ZNF717: variants seen among roughly 807,000 people sequenced by gnomAD.
ZNF717 encodes the protein zinc finger protein 717.
Under a neutral mutation model 13.8 loss-of-function variants are expected in ZNF717, and 9 were observed. The ratio of observed to expected loss-of-function variants is 0.65; its 90% CI spans 0.39 to 1.14. The LOEUF (loss-of-function observed/expected upper bound fraction) is 1.14, where lower values mean the gene tolerates loss of function less well. Among genes scored for constraint, ZNF717 ranks in the 50% most tolerant of loss-of-function variants. The pLI is 0.01. For synonymous variants in ZNF717, 327 were observed against 364.1 expected, an observed-to-expected ratio of 0.90 and a Z score of 1.16; for missense variants, 1,040 against 1,080.7, an observed-to-expected ratio of 0.96 and a Z score of 0.53.
At chr3:75,741,488 A>C (rs1443574632) in intron 3 of ZNF717, 120 bp from the exon 4 acceptor site, 57 of 1,391,134 alleles carry the variant, frequency 4.1e-5, no homozygotes, top group Non-Finnish European at 5.0e-6. Context: ...ATTTCATTAG[A>C]GTAGTGACAC....
chr3:75,738,476 T>G lies in ZNF717; in HGVS notation c.1147A>C (p.Thr383Pro). ...CCTGAGTGAGTTCTGTGATGTAAAGTGAGAAGTGACTTACAGTGAAAAGTT... is the reference window on the plus strand; with the variant it reads ...CCTGAGTGAGTTCTGTGATGTAAAGGGAGAAGTGACTTACAGTGAAAAGTT... ...GKTFHCKSLL[T>P]LHHRTHSGEK... The change falls in exon 5 of 5, where the codon ACT (threonine) becomes CCT (proline). Residue 383 changes from threonine to proline, a missense_variant. Coordinates refer to ENST00000652011, the MANE Select transcript of ZNF717 (RefSeq NM_001290208.3). 6.5e-7 allele frequency: 1 copy of G among 1,532,104 alleles called. No homozygotes were observed. Among genetic ancestry groups the G allele is most frequent in the Non-Finnish European group, 8.8e-7 (1 of 1,132,974 alleles). 94.9% of individuals were successfully genotyped at this position (1,532,104 alleles called of 1,614,324 possible).
chr3:75,729,984 T>A (rs1938428039), exon 6 of ZNF717: 1 of 152,274 alleles, frequency 6.6e-6, no homozygotes, highest in Non-Finnish European at 1.5e-5. Flanking sequence ...GATGCAAGCA[T>A]CTGATTTTAT....
chr3:75,750,843 A>T (rs1396286237), intron 2 of ZNF717, among the ~76,000 whole-genome samples: 2 of 150,798 alleles, frequency 1.3e-5, no homozygotes, highest in East Asian at 2.0e-4. Flanking sequence ...TCTGTCCCTC[A>T]CATAGGATTC....
chr3:75,752,821 G>T (rs57425214), intron 2 of ZNF717, among the ~76,000 whole-genome samples: 4 of 142,396 alleles, frequency 2.8e-5, no homozygotes, highest in African/African-American at 1.0e-4. Flanking sequence ...TGCTCCTGGG[G>T]TCTGAATGTT....
chr3:75,759,432 C>A (rs1358636468), intron 2 of ZNF717, among the ~76,000 whole-genome samples: 1 of 151,974 alleles, frequency 6.6e-6, no homozygotes, highest in Non-Finnish European at 1.5e-5. Context: ...CCCGCCACAA[C>A]GCCCCGCTAA....
intron 2 of ZNF717, among the ~76,000 whole-genome samples, chr3:75,768,650 A>G (rs1406225583): frequency 2.7e-3 from 224 of 83,876 alleles, no homozygotes; most frequent in Middle Eastern, 0.01. Context: ...TCCTCACTGC[A>G]GCTGAGTGTG....
chr3:75,776,811 G>A (rs1173739532), intron 2 of ZNF717, among the ~76,000 whole-genome samples: 1 of 151,138 alleles, frequency 6.6e-6, no homozygotes, highest in Non-Finnish European at 1.5e-5. Context: ...CTACTATCAT[G>A]AGACTCTTAA....
At chr3:75,749,290 G>A (rs1352956973) in intron 2 of ZNF717, among the ~76,000 whole-genome samples, 2 of 151,688 alleles carry the variant, frequency 1.3e-5, no homozygotes, top group Non-Finnish European at 2.9e-5. Context: ...CACTGCTAGT[G>A]TGTTCTGAAT....
At chr3:75,713,273 C>T (rs74187229) in intron 5 of ZNF717, among the ~76,000 whole-genome samples, 1 of 152,058 alleles carries the variant, frequency 6.6e-6, no homozygotes, top group Non-Finnish European at 1.5e-5. Flanking sequence ...ACCTCAGCCT[C>T]CCCAGTAGCT....
chr3:75,732,389 A>G (rs1234359589), downstream of ZNF717, among the ~76,000 whole-genome samples: 2 of 152,270 alleles, frequency 1.3e-5, no homozygotes, highest in African/African-American at 4.8e-5. Context: ...GTAAGACTCC[A>G]GAACTCTTCT....
chr3:75,732,845 G>T (rs1169444198), downstream of ZNF717, among the ~76,000 whole-genome samples: 18 of 152,266 alleles, frequency 1.2e-4, no homozygotes, highest in East Asian at 3.3e-3. Context: ...AAAGCACAAG[G>T]CATACTAAAA....
chr3:75,744,046 G>C (rs1326874071), intron 2 of ZNF717, among the ~76,000 whole-genome samples: 4 of 152,230 alleles, frequency 2.6e-5, no homozygotes, highest in African/African-American at 9.6e-5. Context: ...GAGAATGAAA[G>C]AATAAAAGAA....
chr3:75,757,823 G>A (rs1427054629), intron 2 of ZNF717, among the ~76,000 whole-genome samples: 3 of 151,760 alleles, frequency 2.0e-5, no homozygotes, highest in Non-Finnish European at 4.4e-5. Context: ...GCAACATTAG[G>A]AGAAGTTGGG....
At chr3:75,705,408 G>T (rs1318839502), downstream of ZNF717, among the ~76,000 whole-genome samples, 2 of 152,310 alleles carry the variant, frequency 1.3e-5, no homozygotes, top group Admixed American at 6.5e-5. Context: ...AGACAAAATA[G>T]GGATGGCACA....
At chr3:75,716,204 C>A (rs1208256712) in intron 5 of ZNF717, among the ~76,000 whole-genome samples, 2 of 148,502 alleles carry the variant, frequency 1.3e-5, no homozygotes, top group African/African-American at 5.0e-5. Context: ...TGGTCTTGAT[C>A]TCTTGACCTC....
downstream of ZNF717, chr3:75,731,923 A>G: frequency 1.6e-6 from 1 of 616,846 alleles, no homozygotes; most frequent in African/African-American, 1.8e-5. Context: ...TACTGAAACC[A>G]CCTTAGGAAC....
chr3:75,762,440 CA>C (rs36024450), intron 2 of ZNF717, among the ~76,000 whole-genome samples: 33,408 of 116,564 alleles, frequency 0.29, 1,990 homozygotes, highest in Non-Finnish European at 0.3. Flanking sequence ...GACTCCATCT[CA>C]AAAAAAAAAA....
chr3:75,762,334 G>T (rs1232599373), intron 2 of ZNF717, among the ~76,000 whole-genome samples: 1 of 151,608 alleles, frequency 6.6e-6, no homozygotes, highest in Non-Finnish European at 1.5e-5. Context: ...CCAGCTACTT[G>T]AGAGGCTGAG....
At chr3:75,722,276 T>C (rs149385092) in intron 4 of ZNF717, among the ~76,000 whole-genome samples, 2 of 151,882 alleles carry the variant, frequency 1.3e-5, no homozygotes, top group African/African-American at 4.8e-5. Flanking sequence ...ATTAGTAATA[T>C]GCTTAAAAAT....
Sources: gnomAD v4.1 joint callset for allele counts (sites outside exome capture counted in the v4.1 genomes callset) on GRCh38, gnomAD v4.1.1 for gene constraint, MANE v1.5 for transcripts, NCBI Gene and HGNC (gene_info 2026-07-23, HGNC 2026-07-21) for gene names.